Variants in FOCAD observed in about 807,000 individuals in gnomAD.
The protein encoded by FOCAD is KIAA1797.
In FOCAD, 198 loss-of-function variants were observed where a neutral mutation model predicts 225.6. The observed-to-expected ratio is 0.88, with a 90% confidence interval of 0.78 to 0.99. The LOEUF (loss-of-function observed/expected upper bound fraction) is 0.99, where lower values mean the gene tolerates loss of function less well. Ranked by LOEUF, FOCAD falls within the 50% of genes least tolerant of loss-of-function variation. FOCAD has a pLI of 0.00. For synonymous variants in FOCAD, 897 were observed against 755.0 expected, an observed-to-expected ratio of 1.19 and a Z score of -3.08; for missense variants, 2,713 against 2,123.6, an observed-to-expected ratio of 1.28 and a Z score of -5.46.
At chr9:20,883,390 A>T (rs1317930217) in intron 20 of FOCAD, among the ~76,000 whole-genome samples, 1 of 152,232 alleles carries the variant, frequency 6.6e-6, no homozygotes, top group African/African-American at 2.4e-5. Flanking sequence ...TATCTGAACA[A>T]TCTATGAACA....
Position 20,986,322 on chromosome 9 carries a change from A to C in FOCAD, c.4763A>C (p.Tyr1588Ser). 6.4e-7 allele frequency: 1 copy of C among 1,554,384 alleles called. No homozygotes were observed. Among genetic ancestry groups the C allele is most frequent in the Non-Finnish European group, 8.7e-7 (1 of 1,151,524 alleles). Residue 1588 changes from tyrosine (Y) to serine (S), a missense_variant, in exon 40 of 44, where the codon TAC (tyrosine) becomes TCC (serine). Physicochemically the swap from Tyr to Ser is moderately radical, Grantham distance 144. Coordinates refer to ENST00000338382, the MANE Select transcript of FOCAD (RefSeq NM_001375567.1). The part of the protein sequence containing the change: ...NIEKAAFVKL[Y>S]LVSQGRFPLV... The stretch of plus-strand genomic sequence containing the variant: ...GAAAAAGCTGCCTTTGTCAAACTGT[A>C]CTTAGTCTCTCAAGGACGATTCCCC...
chr9:20,953,252 A>G (rs552224959), intron 35 of FOCAD, among the ~76,000 whole-genome samples, 187 bp downstream of exon 35: 1 of 152,352 alleles, frequency 6.6e-6, no homozygotes, highest in South Asian at 2.1e-4. Context: ...GTACGTAAAT[A>G]TACACATTGT....
chr9:20,780,673 A>ATT (rs1368336705), intron 9 of FOCAD, among the ~76,000 whole-genome samples: 107 of 152,306 alleles, frequency 7.0e-4, no homozygotes, highest in African/African-American at 2.5e-3. Flanking sequence ...TGTAGTTGTT[A>ATT]ACTGTAGCCT....
At chr9:20,913,967 T>C (rs754362234) in intron 23 of FOCAD, among the ~76,000 whole-genome samples, 1 of 152,072 alleles carries the variant, frequency 6.6e-6, no homozygotes, top group Non-Finnish European at 1.5e-5. Flanking sequence ...CCTAGAAGTT[T>C]CTTAAGAATG....
chr9:20,944,037 C>T (rs908885072), intron 28 of FOCAD, among the ~76,000 whole-genome samples: 1 of 152,182 alleles, frequency 6.6e-6, no homozygotes, highest in Non-Finnish European at 1.5e-5. Flanking sequence ...TGGTATTCTG[C>T]AAGATCAGAG....
intron 16 of FOCAD, among the ~76,000 whole-genome samples, chr9:20,863,889 GTGTGTTGGTTTTT>G (rs927322955): frequency 3.9e-4 from 60 of 152,180 alleles, no homozygotes; most frequent in African/African-American, 1.4e-3. Context: ...GAATTGGCTG[GTGTGTTGGTTTTT>G]TGTGTTGGCT....
At chr9:20,753,117 T>A (rs1320100893) in intron 5 of FOCAD, among the ~76,000 whole-genome samples, 2 of 152,202 alleles carry the variant, frequency 1.3e-5, no homozygotes, top group Non-Finnish European at 1.5e-5. Context: ...AGGGACAATT[T>A]GACTTCCTCT....
chr9:20,661,915 G>T (rs778536863), intron 2 of FOCAD, among the ~76,000 whole-genome samples: 1 of 151,988 alleles, frequency 6.6e-6, no homozygotes, highest in Non-Finnish European at 1.5e-5. Context: ...TGCTGTAAAA[G>T]AAAGAATGAG....
At chr9:20,795,819 T>TTTTA (rs200537271) in intron 11 of FOCAD, among the ~76,000 whole-genome samples, 4,161 of 148,566 alleles carry the variant, frequency 0.028, 209 homozygotes, top group African/African-American at 0.097. Context: ...ACACAGCATG[T>TTTTA]TTTATTTATT....
In FOCAD at chr9:20,939,150, C is replaced by CAAAAAAAAAAAAAA. The variant is rs565280892; in HGVS notation, c.3408-5473_3408-5460dup. On this transcript the variant is annotated intron_variant, in intron 28 of 43. Coordinates refer to ENST00000338382, the MANE Select transcript of FOCAD (RefSeq NM_001375567.1). ...GGGCGACAGAGCGAGACTCTCTTCT[C>CAAAAAAAAAAAAAA]AAAAAAAAAAAAAAAAAGAGTGTGG... 3.9e-3 allele frequency among the ~76,000 whole-genome samples: 279 copies of CAAAAAAAAAAAAAA among 72,398 alleles called. 28 individuals are homozygous for CAAAAAAAAAAAAAA. The highest frequency in any genetic ancestry group is 0.011 in the Middle Eastern group (1 of 94). The allele number at this position is 72,398 out of a possible 152,430, so 47.5% of individuals were successfully genotyped here. A position where few individuals can be genotyped will look rare whatever the true frequency, so the allele number is the denominator to read the frequency against.
intron 22 of FOCAD, among the ~76,000 whole-genome samples, chr9:20,911,840 A>C (rs1833465009): frequency 1.3e-5 from 2 of 152,156 alleles, no homozygotes; most frequent in Non-Finnish European, 2.9e-5. Flanking sequence ...TCTTCTATAC[A>C]CTATATCTTA....
chr9:20,722,097 C>T (rs778722178), intron 4 of FOCAD, among the ~76,000 whole-genome samples: 10 of 145,838 alleles, frequency 6.9e-5, no homozygotes, highest in Non-Finnish European at 1.4e-4. Context: ...TGCTATGCTG[C>T]CTGGGCATTA....
chr9:20,672,244 A>G (rs1822085623), intron 2 of FOCAD, among the ~76,000 whole-genome samples: 1 of 152,238 alleles, frequency 6.6e-6, no homozygotes, highest in Non-Finnish European at 1.5e-5. Flanking sequence ...AGGTTGAATT[A>G]TAATTGGCAT....
intron 15 of FOCAD, among the ~76,000 whole-genome samples, chr9:20,854,103 T>G (rs1426856012): frequency 1.3e-5 from 2 of 151,746 alleles, no homozygotes; most frequent in Non-Finnish European, 3.0e-5. Context: ...TTTCATAGCC[T>G]AAAGGTTTTT....
intron 15 of FOCAD, 118 bp from the exon 16 acceptor site, chr9:20,862,460 T>C (rs1828857660): frequency 8.7e-7 from 1 of 1,153,176 alleles, no homozygotes; most frequent in Admixed American, 2.5e-5. Context: ...TCCTATCTTC[T>C]AGGCATAGTC....
intron 1 of FOCAD, among the ~76,000 whole-genome samples, chr9:20,703,237 A>G (rs1197074377): frequency 6.6e-6 from 1 of 152,074 alleles, no homozygotes; most frequent in Non-Finnish European, 1.5e-5. Flanking sequence ...GAGAGAAGAA[A>G]CAGCTTATTT....
chr9:20,698,431 G>C (rs1823564371), intron 1 of FOCAD, among the ~76,000 whole-genome samples: 1 of 151,866 alleles, frequency 6.6e-6, no homozygotes. Flanking sequence ...ATAGAGTCTT[G>C]CTCTATGACC....
At position 20,990,142 on chromosome 9, in the gene FOCAD, T is replaced by C. The variant is rs1183573675; in HGVS notation, c.5024T>C (p.Leu1675Pro). 5.0e-6 allele frequency: 8 copies of C among 1,614,094 alleles called. No homozygotes were observed. The African/African-American group carries it at 1.1e-4, about 22-fold the overall frequency. Residue 1675 changes from leucine to proline, a missense_variant, in exon 42 of 44, where the codon CTG becomes CCG. Transcript: ENST00000338382. The stretch of plus-strand genomic sequence containing the variant: ...TCGTAGGCTTTGGACTTCTTCTTGC[T>C]GATATTTGCAACCGCAGTGGTTGCA... ...ALDKALDFFLLIFATAVVAWA... is the reference protein window; with the variant it reads ...ALDKALDFFLPIFATAVVAWA...
At chr9:20,844,810 G>A (rs1447772166) in intron 15 of FOCAD, among the ~76,000 whole-genome samples, 3 of 152,058 alleles carry the variant, frequency 2.0e-5, no homozygotes, top group Non-Finnish European at 2.9e-5. Context: ...TTTTCTAATT[G>A]TTAAGTTAAT....
Sources: gnomAD v4.1 joint callset for allele counts (sites outside exome capture counted in the v4.1 genomes callset) on GRCh38, gnomAD v4.1.1 for gene constraint, MANE v1.5 for transcripts, NCBI Gene and HGNC (gene_info 2026-07-23, HGNC 2026-07-21) for gene names.